FGD4: variants seen among roughly 807,000 people sequenced by gnomAD.
FGD4 encodes FYVE, RhoGEF and PH domain containing 4.
Under a neutral mutation model 102.0 loss-of-function variants are expected in FGD4, and 42 were observed. That is an observed-to-expected ratio of 0.41 (90% confidence interval 0.32 to 0.53). The LOEUF is 0.53. Among genes scored for constraint, FGD4 ranks in the 20% least tolerant of loss-of-function variants. FGD4 has a pLI of 0.21. For missense variants in FGD4, 902 were observed against 1,078.2 expected (o/e 0.84, Z 2.29); for synonymous variants, 380 against 375.7 (o/e 1.01, Z -0.13).
intron 1 of FGD4, among the ~76,000 whole-genome samples, chr12:32,525,982 C>G (rs1043486828): frequency 4.6e-5 from 7 of 152,230 alleles, no homozygotes; most frequent in African/African-American, 1.7e-4. Context: ...CTGTGCGGCC[C>G]GAGCCTCCGA....
At chr12:32,549,962 G>A (rs1943523409) in intron 1 of FGD4, among the ~76,000 whole-genome samples, 1 of 152,168 alleles carries the variant, frequency 6.6e-6, no homozygotes, top group East Asian at 1.9e-4. Context: ...CTTCCCCCTC[G>A]GCACGGCCTT....
intron 1 of FGD4, among the ~76,000 whole-genome samples, chr12:32,541,732 A>G (rs1042916640): frequency 2.6e-5 from 4 of 152,186 alleles, no homozygotes; most frequent in Non-Finnish European, 4.4e-5. Flanking sequence ...GGTATCACCA[A>G]GCCTTTTTTA....
At chr12:32,638,485 C>A (rs1950976243) in intron 15 of FGD4, among the ~76,000 whole-genome samples, 170 bp from the exon 16 acceptor site, 1 of 152,148 alleles carries the variant, frequency 6.6e-6, no homozygotes, top group Non-Finnish European at 1.5e-5. Context: ...ACGTAAAGAG[C>A]TAAAATTGGC....
intron 1 of FGD4, among the ~76,000 whole-genome samples, chr12:32,520,446 T>G (rs1460468641): frequency 6.7e-5 from 10 of 150,242 alleles, no homozygotes; most frequent in East Asian, 1.9e-4. Context: ...TTTTGTTTTT[T>G]TTTTTTAGAG....
chr12:32,399,869 G>A lies in FGD4; in HGVS notation c.76G>A (p.Gly26Arg), dbSNP rs1284863340. ...RKSNPSYLPP[G>R]VPRPWSRPAS... ...GTCCAACCCCTCCTACCTGCCGCCCGGGGTGCCCCGGCCCTGGAGCAGGCC... is the reference window on the plus strand; with the variant it reads ...GTCCAACCCCTCCTACCTGCCGCCCAGGGTGCCCCGGCCCTGGAGCAGGCC... Residue 26 changes from glycine to arginine, a missense_variant, in exon 1 of 17, where the codon GGG becomes AGG. Physicochemically the swap from Gly to Arg is moderately radical, Grantham distance 125 (BLOSUM62 -2). Coordinates refer to ENST00000534526, the MANE Select transcript of FGD4 (RefSeq NM_001370298.3). 6.5e-7 allele frequency: 1 copy of A among 1,531,086 alleles called. No individual in the cohort carries two copies. Among genetic ancestry groups the A allele is most frequent in the Non-Finnish European group, 8.7e-7 (1 of 1,145,130 alleles). 94.8% of individuals were successfully genotyped at this position (1,531,086 alleles called of 1,614,324 possible).
intron 1 of FGD4, among the ~76,000 whole-genome samples, chr12:32,526,459 TCTAA>T (rs1941219780): frequency 6.6e-6 from 1 of 152,114 alleles, no homozygotes; most frequent in Non-Finnish European, 1.5e-5. Context: ...AAACTCTGTA[TCTAA>T]CTAATCTGAT....
At chr12:32,558,561 C>G (rs1037476449) in intron 1 of FGD4, among the ~76,000 whole-genome samples, 5 of 152,268 alleles carry the variant, frequency 3.3e-5, no homozygotes, top group African/African-American at 1.2e-4. Flanking sequence ...ACTTAAAATG[C>G]GAAACAATAA....
At chr12:32,510,209 G>T (rs1451376661) in intron 1 of FGD4, among the ~76,000 whole-genome samples, 1 of 152,238 alleles carries the variant, frequency 6.6e-6, no homozygotes, top group Admixed American at 6.5e-5. Flanking sequence ...GGAATGGGAA[G>T]AAGTGGGAAG....
At position 32,598,437 on chromosome 12, in the gene FGD4, A is replaced by G. The variant is rs1948081489; in HGVS notation, c.1012-60A>G. 2.5e-6 allele frequency: 3 copies of G among 1,203,590 alleles called. No individual in the cohort carries two copies. The East Asian group carries it at 7.0e-5, about 28-fold the overall frequency. 74.6% of individuals were successfully genotyped at this position (1,203,590 alleles called of 1,614,324 possible). On this transcript the variant is annotated intron_variant, in intron 4 of 16. Coordinates refer to ENST00000534526, the MANE Select transcript of FGD4 (RefSeq NM_001370298.3). ...CAAATCATTTGAAGAAGCGTTTTTT[A>G]CTTTAGAAATATTGTCCAAGGTATC...
At chr12:32,472,764 T>C (rs1943452806) in intron 1 of FGD4, among the ~76,000 whole-genome samples, 2 of 152,212 alleles carry the variant, frequency 1.3e-5, no homozygotes, top group South Asian at 4.1e-4. Context: ...CTGAGTCTGG[T>C]GGGGACGTGG....
intron 13 of FGD4, 89 bp downstream of exon 13, chr12:32,625,157 TCCCTTTACAA>T: frequency 8.8e-7 from 1 of 1,139,944 alleles, no homozygotes; most frequent in Non-Finnish European, 1.3e-6. Flanking sequence ...TCCAACCTTT[TCCCTTTACAA>T]TGTCAGAACT....
At chr12:32,451,834 CAAAAAAAAAAAAAAAAA>C (rs60760923) in intron 1 of FGD4, among the ~76,000 whole-genome samples, 5 of 24,154 alleles carry the variant, frequency 2.1e-4, no homozygotes, top group East Asian at 2.0e-3. Context: ...AACTCCATCT[CAAAAAAAAAAAAAAAAA>C]AAAAAAAAAA....
At chr12:32,562,540 C>G (rs1944702026) in intron 1 of FGD4, among the ~76,000 whole-genome samples, 1 of 152,078 alleles carries the variant, frequency 6.6e-6, no homozygotes, top group Admixed American at 6.5e-5. Flanking sequence ...TCTGGTTTTC[C>G]TAGGCAGAGG....
chr12:32,562,160 G>T (rs1490740597), intron 1 of FGD4, among the ~76,000 whole-genome samples: 2 of 152,150 alleles, frequency 1.3e-5, no homozygotes, highest in Non-Finnish European at 1.5e-5. Flanking sequence ...GGCTTTTAAC[G>T]GATTAATTCC....
chr12:32,623,352 T>TA (rs1006747393), intron 11 of FGD4, among the ~76,000 whole-genome samples: 30 of 151,972 alleles, frequency 2.0e-4, no homozygotes, highest in East Asian at 9.6e-4. Flanking sequence ...TTTTTTAATT[T>TA]AAAAAAAATT....
At chr12:32,581,867 C>T (rs369694995) in intron 3 of FGD4, 93 bp from the exon 4 acceptor site, 70 of 1,401,200 alleles carry the variant, frequency 5.0e-5, no homozygotes, top group African/African-American at 3.5e-4. Context: ...AAAAAAGTAG[C>T]GAATATCCCT....
intron 1 of FGD4, among the ~76,000 whole-genome samples, chr12:32,409,461 C>A (rs2253247): frequency 0.55 from 83,271 of 151,510 alleles, 24,030 homozygotes; most frequent in African/African-American, 0.74. Context: ...GTTAATTTTT[C>A]TATTTTTAGT....
At chr12:32,568,614 AT>A (rs1241215746) in intron 2 of FGD4, among the ~76,000 whole-genome samples, 2 of 152,230 alleles carry the variant, frequency 1.3e-5, no homozygotes, top group Non-Finnish European at 2.9e-5. Context: ...TTGTCACATA[AT>A]ATCTCAATCA....
intron 14 of FGD4, among the ~76,000 whole-genome samples, chr12:32,630,344 G>A (rs925200250): frequency 1.3e-5 from 2 of 152,074 alleles, no homozygotes; most frequent in African/African-American, 2.4e-5. Context: ...TATGTATTTC[G>A]TTATGACTGT....
Sources: gnomAD v4.1 joint callset for allele counts (sites outside exome capture counted in the v4.1 genomes callset) on GRCh38, gnomAD v4.1.1 for gene constraint, MANE v1.5 for transcripts, NCBI Gene and HGNC (gene_info 2026-07-23, HGNC 2026-07-21) for gene names.